Variants in ZNF30 observed in about 807,000 individuals in gnomAD.
ZNF30 encodes zinc finger protein 30 (KOX 28).
A neutral mutation model predicts 13.2 loss-of-function variants in ZNF30; 15 were observed. The observed-to-expected ratio is 1.13, with a 90% CI of 0.76 to 1.75. ZNF30 has a LOEUF of 1.75. Ranked by LOEUF, ZNF30 falls within the 40% of genes most tolerant of loss-of-function variation. ZNF30 has a pLI of 0.00. For missense variants in ZNF30, 726 were observed against 757.0 expected, an observed-to-expected ratio of 0.96 and a Z score of 0.48; for synonymous variants, 223 against 256.6, an observed-to-expected ratio of 0.87 and a Z score of 1.25.
chr19:34,934,092 T>C (rs747530804), intron 4 of ZNF30, among the ~76,000 whole-genome samples: 29 of 151,908 alleles, frequency 1.9e-4, no homozygotes, highest in Non-Finnish European at 3.2e-4. Flanking sequence ...AAAATGAGGG[T>C]TCAGGCCTTG....
chr19:34,933,743 G>T lies in ZNF30; in HGVS notation c.256+20G>T. ...GCACAGGTGAGTAAGAGCATGGCAG[G>T]TAGGGAGGCCATTGTTGCTGGAAAC... On this transcript the variant is annotated intron_variant, in intron 4 of 4. Transcript: ENST00000601142. The T allele has an allele frequency of 6.6e-7, 1 of 1,515,920 alleles. No homozygotes were observed. Among genetic ancestry groups the T allele is most frequent in the African/African-American group, 1.4e-5 (1 of 72,716 alleles). 93.9% of individuals were successfully genotyped at this position (1,515,920 alleles called of 1,614,324 possible). A position where few individuals can be genotyped will look rare whatever the true frequency, so the allele number is the denominator to read the frequency against.
At chr19:34,932,614 C>G (rs751322674) in intron 3 of ZNF30, among the ~76,000 whole-genome samples, 9 of 152,088 alleles carry the variant, frequency 5.9e-5, no homozygotes, top group Non-Finnish European at 1.2e-4. Context: ...TTTAACCTTA[C>G]AAGCACTCTA....
intron 4 of ZNF30, among the ~76,000 whole-genome samples, chr19:34,937,227 G>A (rs1465845894): frequency 5.9e-5 from 9 of 151,908 alleles, no homozygotes; most frequent in Non-Finnish European, 1.2e-4. Flanking sequence ...TGGCCAGGTC[G>A]GTTTCGAACT....
intron 2 of ZNF30, among the ~76,000 whole-genome samples, 162 bp downstream of exon 2, chr19:34,930,118 G>T (rs897856799): frequency 6.6e-6 from 1 of 152,178 alleles, no homozygotes; most frequent in Admixed American, 6.5e-5. Flanking sequence ...TCCTTACGAG[G>T]TCCTCATTTC....
upstream of ZNF30, chr19:34,926,744 C>T (rs1440738938): frequency 7.6e-6 from 3 of 393,494 alleles, no homozygotes; most frequent in Non-Finnish European, 1.3e-5. Flanking sequence ...GTGTTAATGC[C>T]CTGGGTTGGC....
Position 34,944,431 on chromosome 19 carries a change from T to C in ZNF30, c.1465T>C (p.Cys489Arg), listed in dbSNP as rs777327023. 1.2e-6 allele frequency: 2 copies of C among 1,614,046 alleles called. No homozygotes were observed. The highest frequency in any genetic ancestry group is 1.3e-5 in the African/African-American group (1 of 74,992). The change falls in exon 5 of 5, where the codon TGT becomes CGT. Residue 489 changes from cysteine (C) to arginine (R), a missense_variant. Coordinates refer to ENST00000601142, the MANE Select transcript of ZNF30 (RefSeq NM_194325.3). The stretch of plus-strand genomic sequence containing the variant: ...TGTAAAGCCCTATGAATGTAAGGAA[T>C]GTGGAAAGACTTTTAGTCGAGCCTC... ...TDVKPYECKE[C>R]GKTFSRASYL...
chr19:34,928,248 T>TAG lies in ZNF30; in HGVS notation c.-65+1033_-65+1034insGA, dbSNP rs1190318170. On this transcript the variant is annotated intron_variant, in intron 1 of 4. Transcript: ENST00000601142. The stretch of plus-strand genomic sequence containing the variant: ...ATATATATATATATATATATATATA[T>TAG]ATATATAGATAGATAGATAGATAGA... 1.7e-3 allele frequency among the ~76,000 whole-genome samples: 92 copies of TAG among 53,016 alleles called. 1 individual carries two copies. The highest frequency in any genetic ancestry group is 5.2e-3 in the African/African-American group (32 of 6,098). 34.8% of individuals were successfully genotyped at this position (53,016 alleles called of 152,430 possible). A position where few individuals can be genotyped will look rare whatever the true frequency, so the allele number is the denominator to read the frequency against.
chr19:34,930,081 G>A (rs2012366545), intron 2 of ZNF30, 125 bp downstream of exon 2: 2 of 938,916 alleles, frequency 2.1e-6, no homozygotes, highest in East Asian at 2.7e-5. Context: ...CTTCTGTTTG[G>A]CGGAATGATG....
intron 1 of ZNF30, among the ~76,000 whole-genome samples, chr19:34,929,325 C>G (rs971775505): frequency 6.6e-6 from 1 of 152,082 alleles, no homozygotes; most frequent in African/African-American, 2.4e-5. Flanking sequence ...AAAGAGCCAA[C>G]TCATGTTAAG....
At chr19:34,936,705 G>T (rs1230831336) in intron 4 of ZNF30, among the ~76,000 whole-genome samples, 1 of 152,080 alleles carries the variant, frequency 6.6e-6, no homozygotes, top group Admixed American at 6.5e-5. Flanking sequence ...AGACCAGCTT[G>T]GGCAACATAG....
intron 4 of ZNF30, among the ~76,000 whole-genome samples, chr19:34,934,458 T>G (rs2012618535): frequency 6.6e-6 from 1 of 151,972 alleles, no homozygotes; most frequent in South Asian, 2.1e-4. Flanking sequence ...AGAGACAGTG[T>G]CTCACTATGT....
rs947276855 is a variant in ZNF30 at position 34,938,757 on chromosome 19, A to G, written c.257-4466A>G. ...GACTGCCTGTGGTTGTCTTGGCTCT[A>G]TCTGTTTGGAAAATGCCATAGCAGG... On this transcript the variant is annotated intron_variant, in intron 4 of 4. Coordinates refer to ENST00000601142, the MANE Select transcript of ZNF30 (RefSeq NM_194325.3). Among the ~76,000 whole-genome samples, 10 of 152,116 alleles carry G rather than the reference A, an allele frequency of 6.6e-5. No individual in the cohort carries two copies. The South Asian group carries it at 8.3e-4, about 13-fold the overall frequency.
chr19:34,938,981 C>A (rs767225770), intron 4 of ZNF30, among the ~76,000 whole-genome samples: 13 of 152,118 alleles, frequency 8.5e-5, no homozygotes, highest in Non-Finnish European at 1.9e-4. Flanking sequence ...AGCAATTCCA[C>A]GGGCATGGTT....
upstream of ZNF30, chr19:34,926,891 C>G (rs761859823): frequency 7.6e-4 from 304 of 398,230 alleles, no homozygotes; most frequent in Non-Finnish European, 1.2e-3. Context: ...TCTCCGGGCG[C>G]CGGTGGGCGG....
rs753063869 is a variant in ZNF30 at position 34,944,471 on chromosome 19, A to G, written c.1505A>G (p.His502Arg). The change falls in exon 5 of 5, where the codon CAT becomes CGT. Residue 502 changes from histidine (H) to arginine (R), a missense_variant. Transcript: ENST00000601142. Reference sequence around the variant, plus strand: ...AGTCGAGCCTCGTACCTTGTACAACATAGCAGAATCCATACTGGTAAGAAG... The same window carrying G: ...AGTCGAGCCTCGTACCTTGTACAACGTAGCAGAATCCATACTGGTAAGAAG... The part of the protein sequence containing the change: ...TFSRASYLVQ[H>R]SRIHTGKKPY... 1.2e-6 allele frequency: 2 copies of G among 1,613,776 alleles called. No individual in the cohort carries two copies. Among genetic ancestry groups the G allele is most frequent in the East Asian group, 4.5e-5 (2 of 44,864 alleles).
chr19:34,939,112 A>C, intron 4 of ZNF30, among the ~76,000 whole-genome samples: 1 of 133,416 alleles, frequency 7.5e-6, no homozygotes, highest in Non-Finnish European at 1.5e-5. Context: ...CTTACCTATC[A>C]GTGTCTTGTC....
chr19:34,924,082 T>C (rs1411884405), upstream of ZNF30, among the ~76,000 whole-genome samples: 3 of 152,124 alleles, frequency 2.0e-5, no homozygotes, highest in Non-Finnish European at 4.4e-5. Context: ...CCCTCTTCCA[T>C]GAGACAGCCT....
At position 34,927,090 on chromosome 19, in the gene ZNF30, A is replaced by AG; in HGVS notation, c.-188dup. On this transcript the variant is annotated 5_prime_UTR_variant, in exon 1 of 5. Transcript: ENST00000601142. ...CGGCAGCGAGCTTTGGAGTTCATCG[A>AG]GGGAGAAGTCAGCGCCCAGCTCCGA... 1 of 398,284 alleles carries AG rather than the reference A, an allele frequency of 2.5e-6. No individual in the cohort carries two copies. The highest frequency in any genetic ancestry group is 1.3e-4 in the South Asian group (1 of 7,806). 24.7% of individuals were successfully genotyped at this position (398,284 alleles called of 1,614,324 possible).
intron 2 of ZNF30, among the ~76,000 whole-genome samples, chr19:34,931,627 A>G (rs1490997177): frequency 6.6e-6 from 1 of 152,178 alleles, no homozygotes; most frequent in Non-Finnish European, 1.5e-5. Context: ...TATCCATTTC[A>G]CCACAAATCT....
Sources: gnomAD v4.1 joint callset for allele counts (sites outside exome capture counted in the v4.1 genomes callset) on GRCh38, gnomAD v4.1.1 for gene constraint, MANE v1.5 for transcripts, NCBI Gene and HGNC (gene_info 2026-07-23, HGNC 2026-07-21) for gene names.